Variants in OR9Q1 observed in about 807,000 individuals in gnomAD.
OR9Q1 encodes olfactory receptor family 9 subfamily Q member 1.
For synonymous variants in OR9Q1, 153 were observed against 148.6 expected (o/e 1.03, Z -0.22); for missense variants, 374 against 378.8 (o/e 0.99, Z 0.11).
intron 2 of OR9Q1, among the ~76,000 whole-genome samples, chr11:58,148,928 T>G (rs1194361250): frequency 2.0e-5 from 3 of 152,146 alleles, no homozygotes; most frequent in Admixed American, 2.0e-4. Flanking sequence ...TTGGTCCTGT[T>G]GGGAAAGAAA....
chr11:58,171,041 G>A (rs1854549761), intron 2 of OR9Q1: 1 of 152,100 alleles, frequency 6.6e-6, no homozygotes, highest in Non-Finnish European at 1.5e-5. Context: ...AATATTGAGG[G>A]GTGGTGGTTT....
intron 2 of OR9Q1, among the ~76,000 whole-genome samples, chr11:58,160,105 A>G (rs1365266952): frequency 6.6e-6 from 1 of 152,194 alleles, no homozygotes; most frequent in East Asian, 1.9e-4. Context: ...CCTAGACTAC[A>G]TGAAGAGGCC....
At chr11:58,132,359 A>C (rs1854149292) in intron 2 of OR9Q1, among the ~76,000 whole-genome samples, 1 of 152,198 alleles carries the variant, frequency 6.6e-6, no homozygotes. Context: ...TTCCAGTCTC[A>C]GCTCTTCTTC....
rs1179232796 is a variant in OR9Q1, at chr11:58,034,767, C to CTTCCTTCCTTCCT, written c.-93+10666_-93+10667insCTTCCTTCCTTTC. Among the ~76,000 whole-genome samples, 4 of 117,926 alleles carry CTTCCTTCCTTCCT rather than the reference C, an allele frequency of 3.4e-5. 1 individual carries two copies. In the East Asian group the frequency reaches 1.2e-3, roughly 35 times the overall value. The allele number at this position is 117,926 out of a possible 152,430, so 77.4% of individuals were successfully genotyped here. On this transcript the variant is annotated intron_variant, in intron 1 of 2. Coordinates refer to ENST00000335397, the MANE Select transcript of OR9Q1 (RefSeq NM_001005212.4). ...CCTTCCTTCCTTCCTTCCTTCCTTC[C>CTTCCTTCCTTCCT]TTCTTCCTTCCCTCCCTCCTTTCTC...
chr11:58,155,996 C>T (rs1007418408), intron 2 of OR9Q1, among the ~76,000 whole-genome samples: 4 of 151,498 alleles, frequency 2.6e-5, no homozygotes, highest in Middle Eastern at 3.4e-3. Context: ...TCAGTGCAAC[C>T]TCCACCTCCC....
intron 2 of OR9Q1, among the ~76,000 whole-genome samples, chr11:58,082,849 G>A (rs1853602335): frequency 6.7e-6 from 1 of 148,154 alleles, no homozygotes; most frequent in Non-Finnish European, 1.5e-5. Context: ...CAATGTGCAG[G>A]TTAGTTATAT....
chr11:58,159,162 G>A (rs1378157986), intron 2 of OR9Q1, among the ~76,000 whole-genome samples: 1 of 152,178 alleles, frequency 6.6e-6, no homozygotes, highest in East Asian at 1.9e-4. Flanking sequence ...GTTGTCATCT[G>A]AGACAATGAT....
chr11:58,097,988 C>CT (rs1853747647), intron 2 of OR9Q1, among the ~76,000 whole-genome samples: 2 of 152,116 alleles, frequency 1.3e-5, no homozygotes, highest in South Asian at 4.1e-4. Flanking sequence ...CATGAAGAAA[C>CT]TTTTTGGAGT....
At chr11:58,053,964 A>C (rs1853301732) in intron 1 of OR9Q1, among the ~76,000 whole-genome samples, 1 of 152,116 alleles carries the variant, frequency 6.6e-6, no homozygotes, top group East Asian at 1.9e-4. Flanking sequence ...ATAAGAAAGC[A>C]GATTTTGAGT....
At chr11:58,090,278 T>C (rs1590583489) in intron 2 of OR9Q1, among the ~76,000 whole-genome samples, 4 of 152,214 alleles carry the variant, frequency 2.6e-5, no homozygotes, top group Admixed American at 2.6e-4. Flanking sequence ...ATATTGGCTG[T>C]GGTTTTGTCA....
chr11:58,117,296 T>TA (rs1421005506), intron 2 of OR9Q1: 2 of 152,174 alleles, frequency 1.3e-5, no homozygotes, highest in Non-Finnish European at 2.9e-5. Context: ...CAAAGTCTCA[T>TA]AATAAATCAG....
intron 1 of OR9Q1, among the ~76,000 whole-genome samples, chr11:58,033,535 T>C (rs1380956102): frequency 1.3e-5 from 2 of 152,150 alleles, no homozygotes; most frequent in African/African-American, 4.8e-5. Flanking sequence ...TTCTCACTTG[T>C]AAGTAGGAGC....
intron 2 of OR9Q1, chr11:58,171,600 A>T (rs1854555603): frequency 6.6e-6 from 1 of 152,188 alleles, no homozygotes; most frequent in Admixed American, 6.6e-5. Context: ...CTTACAGGGG[A>T]GAGGGCCGTG....
intron 2 of OR9Q1, among the ~76,000 whole-genome samples, chr11:58,153,669 G>T (rs1356544426): frequency 6.6e-6 from 1 of 151,914 alleles, no homozygotes; most frequent in Non-Finnish European, 1.5e-5. Context: ...TTCTCTTTCA[G>T]CCCAGCAGTT....
intron 2 of OR9Q1, among the ~76,000 whole-genome samples, chr11:58,150,786 G>T (rs1040450428): frequency 3.3e-5 from 5 of 152,158 alleles, no homozygotes; most frequent in Non-Finnish European, 4.4e-5. Context: ...CAAATGTGTT[G>T]TTATTTTAGA....
chr11:58,033,349 A>G (rs763030876), intron 1 of OR9Q1, among the ~76,000 whole-genome samples: 1 of 152,252 alleles, frequency 6.6e-6, no homozygotes, highest in Non-Finnish European at 1.5e-5. Context: ...AGATGGAATC[A>G]GTCTAGGTGT....
chr11:58,087,684 T>C (rs773260348), intron 2 of OR9Q1, among the ~76,000 whole-genome samples: 1 of 151,782 alleles, frequency 6.6e-6, no homozygotes, highest in Non-Finnish European at 1.5e-5. Flanking sequence ...CAGCATGCAT[T>C]AGCTATTTGT....
intron 2 of OR9Q1, among the ~76,000 whole-genome samples, chr11:58,172,628 T>C (rs1340296170): frequency 6.6e-6 from 1 of 152,162 alleles, no homozygotes; most frequent in African/African-American, 2.4e-5. Context: ...GAGCCAGGAC[T>C]CAAACGCAGG....
chr11:58,039,645 T>C (rs1177806857), intron 1 of OR9Q1, among the ~76,000 whole-genome samples: 1 of 152,238 alleles, frequency 6.6e-6, no homozygotes, highest in African/African-American at 2.4e-5. Context: ...GACAGTCACC[T>C]GTCCTCATTT....
Sources: gnomAD v4.1 joint callset for allele counts (sites outside exome capture counted in the v4.1 genomes callset) on GRCh38, gnomAD v4.1.1 for gene constraint, MANE v1.5 for transcripts, NCBI Gene and HGNC (gene_info 2026-07-23, HGNC 2026-07-21) for gene names.